The following FBXL18 variants were observed in gnomAD, a reference collection of about 807,000 sequenced individuals.
The protein encoded by FBXL18 is F-box and leucine rich repeat protein 18.
A neutral mutation model predicts 46.0 loss-of-function variants in FBXL18; 36 were observed. The observed-to-expected ratio is 0.78, with a 90% CI of 0.60 to 1.03. FBXL18 has a LOEUF of 1.03. Ranked by LOEUF, FBXL18 falls within the 50% of genes least tolerant of loss-of-function variation. The pLI is 0.00. For synonymous variants in FBXL18, 557 were observed against 465.3 expected (o/e 1.20, Z -2.54); for missense variants, 977 against 1,004.1 (o/e 0.97, Z 0.36).
intron 4 of FBXL18, chr7:5,489,209 C>T: frequency 1.9e-6 from 1 of 515,586 alleles, no homozygotes; most frequent in Non-Finnish European, 3.9e-6. Flanking sequence ...TATTTACTGA[C>T]ACAAGAGGAC....
At chr7:5,465,240 G>C (rs923284174) in intron 4 of FBXL18, among the ~76,000 whole-genome samples, 1 of 151,880 alleles carries the variant, frequency 6.6e-6, no homozygotes, top group Non-Finnish European at 1.5e-5. Flanking sequence ...GTGCTCTGTC[G>C]CCCAGGCTGC....
intron 4 of FBXL18, among the ~76,000 whole-genome samples, chr7:5,469,891 C>T (rs1472338889): frequency 3.3e-5 from 5 of 149,414 alleles, no homozygotes; most frequent in African/African-American, 9.9e-5. Flanking sequence ...GGTGTGTGTG[C>T]GAGGGCATGT....
chr7:5,481,492 C>T lies in FBXL18; in HGVS notation c.*283G>A, dbSNP rs1783643733. ...GATTGCGGCTCAGTATACAAACCCC[C>T]CAGCCAGGCCCCAAGGGTCAGCCTG... On this transcript the variant is annotated 3_prime_UTR_variant, in exon 5 of 5. Transcript: ENST00000382368. 1 of 371,874 alleles carries T rather than the reference C, an allele frequency of 2.7e-6. No individual in the cohort carries two copies. Among genetic ancestry groups the T allele is most frequent in the African/African-American group, 2.1e-5 (1 of 46,574 alleles). The allele number at this position is 371,874 out of a possible 1,614,324, so 23.0% of individuals were successfully genotyped here.
chr7:5,496,557 C>T lies in FBXL18; in HGVS notation c.1781+3931G>A, dbSNP rs554322463. ...ACCTCAGCCTGGACTCAGGGCTTGG[C>T]TTAGGCCCATCAACTAGGAGGCCAC... On this transcript the variant is annotated intron_variant, in intron 3 of 4. Transcript: ENST00000382368. The surrounding 1 kb of genome is among the most constrained non-coding windows in gnomAD (Gnocchi z 4.8). Among the ~76,000 whole-genome samples the T allele has an allele frequency of 3.9e-5, 6 of 152,206 alleles. No homozygotes were observed. Among genetic ancestry groups the T allele is most frequent in the Non-Finnish European group, 7.3e-5 (5 of 68,032 alleles).
intron 4 of FBXL18, among the ~76,000 whole-genome samples, chr7:5,461,633 A>G (rs1003355163): frequency 4.0e-5 from 6 of 151,060 alleles, no homozygotes; most frequent in African/African-American, 1.5e-4. Context: ...ACAGAGCAAA[A>G]CTCTGTCTCT....
At chr7:5,475,254 G>A (rs995009211), downstream of FBXL18, among the ~76,000 whole-genome samples, 78 of 151,920 alleles carry the variant, frequency 5.1e-4, no homozygotes, top group Non-Finnish European at 8.7e-4. This position sits in a 1 kb window ranked among gnomAD's most constrained non-coding sequence, Gnocchi z 4.2. Flanking sequence ...CCCAGGAGGC[G>A]GAGGTAGCAG....
intron 4 of FBXL18, among the ~76,000 whole-genome samples, chr7:5,467,377 TAATA>T (rs1157298666): frequency 6.7e-6 from 1 of 149,532 alleles, no homozygotes; most frequent in Non-Finnish European, 1.5e-5. Flanking sequence ...AAATAATAAA[TAATA>T]AATAAAAATA....
chr7:5,502,408 G>A lies in FBXL18; in HGVS notation c.238-377C>T, dbSNP rs141924959. On this transcript the variant is annotated intron_variant, in intron 2 of 4. Coordinates refer to ENST00000382368, the MANE Select transcript of FBXL18 (RefSeq NM_024963.6). ...AAACTAGTCAGGCATGGTGGTGTGC[G>A]CCTTTTATCCCAGCTACTCCAGAGG... Among the ~76,000 whole-genome samples the A allele has an allele frequency of 2.6e-3, 396 of 152,008 alleles. 6 individuals are homozygous for A. The highest frequency in any genetic ancestry group is 9.0e-3 in the African/African-American group (374 of 41,450).
chr7:5,481,008 A>G lies in FBXL18; in HGVS notation c.*767T>C, dbSNP rs1783630811. 1 of 117,972 alleles carries G rather than the reference A, an allele frequency of 8.5e-6. No homozygotes were observed. Among genetic ancestry groups the G allele is most frequent in the African/African-American group, 3.3e-5 (1 of 30,454 alleles). The allele number at this position is 117,972 out of a possible 1,614,324, so 7.3% of individuals were successfully genotyped here. On this transcript the variant is annotated 3_prime_UTR_variant, in exon 5 of 5. Transcript: ENST00000382368. ...TCGATTTCCCCAGGAACGCGCATGG[A>G]CCTTCCCAGGGAAGCTGAAGGCCGT...
chr7:5,456,202 C>T (rs572127132), intron 4 of FBXL18, among the ~76,000 whole-genome samples: 4 of 152,312 alleles, frequency 2.6e-5, no homozygotes, highest in Admixed American at 1.3e-4. Context: ...CCGCTGCCTG[C>T]TCCCATCCCT....
At position 5,513,150 on chromosome 7, in the gene FBXL18, G is replaced by T. The variant is rs144011921; in HGVS notation, c.18+507C>A. On this transcript the variant is annotated intron_variant, in intron 1 of 4. Coordinates refer to ENST00000382368, the MANE Select transcript of FBXL18 (RefSeq NM_024963.6). ...CCCAGATTTGGGGAGTGTTGGGAAA[G>T]AATTCCAGGGTACGTCGTAAGTCCC... Among the ~76,000 whole-genome samples the T allele has an allele frequency of 3.8e-4, 58 of 152,290 alleles. No homozygotes were observed. The East Asian group carries it at 9.6e-3, about 25-fold the overall frequency.
chr7:5,465,420 GGA>G (rs1186227952), intron 4 of FBXL18, among the ~76,000 whole-genome samples: 1 of 151,822 alleles, frequency 6.6e-6, no homozygotes, highest in East Asian at 2.0e-4. Flanking sequence ...AGGCTCTTCT[GGA>G]ACGCCTGACC....
Position 5,497,068 on chromosome 7 carries a change from G to A in FBXL18, c.1781+3420C>T, listed in dbSNP as rs185817345. Among the ~76,000 whole-genome samples, 7 of 149,628 alleles carry A rather than the reference G, an allele frequency of 4.7e-5. No individual in the cohort carries two copies. The East Asian group carries it at 1.2e-3, about 25-fold the overall frequency. The stretch of plus-strand genomic sequence containing the variant: ...AAAAAAAAACTAGCCGGGCATGGTC[G>A]CATGTGCCTATAGTCCCAGCTACTC... On this transcript the variant is annotated intron_variant, in intron 3 of 4. Transcript: ENST00000382368.
chr7:5,493,927 A>G (rs1435402381), intron 3 of FBXL18, among the ~76,000 whole-genome samples: 7 of 151,998 alleles, frequency 4.6e-5, no homozygotes, highest in African/African-American at 1.7e-4. Context: ...TGAGGTCAGG[A>G]GTTCGACACT....
chr7:5,507,271 G>A (rs1236582680), intron 1 of FBXL18, among the ~76,000 whole-genome samples: 1 of 152,116 alleles, frequency 6.6e-6, no homozygotes, highest in African/African-American at 2.4e-5. Flanking sequence ...CACCCCACAC[G>A]GGTATCGGAG....
At chr7:5,491,542 T>G in intron 3 of FBXL18, 93 bp from the exon 4 acceptor site, 2 of 1,098,048 alleles carry the variant, frequency 1.8e-6, no homozygotes, top group Admixed American at 2.5e-5. Context: ...GGAAGCTTCC[T>G]GGCCTGGGGC....
chr7:5,489,386 G>A (rs1783855746), intron 4 of FBXL18: 2 of 507,260 alleles, frequency 3.9e-6, no homozygotes, highest in Admixed American at 4.0e-5. Context: ...TGTAATCCCA[G>A]CACTTTGGGA....
rs1783569736 is a variant in FBXL18 at position 5,478,618 on chromosome 7, TACATA to T, written c.*3152_*3156del. The T allele has an allele frequency of 6.6e-6, 1 of 152,296 alleles. No individual in the cohort carries two copies. The highest frequency in any genetic ancestry group is 2.4e-5 in the African/African-American group (1 of 41,416). The allele number at this position is 152,296 out of a possible 1,614,324, so 9.4% of individuals were successfully genotyped here. On this transcript the variant is annotated 3_prime_UTR_variant, in exon 5 of 5. Coordinates refer to ENST00000382368, the MANE Select transcript of FBXL18 (RefSeq NM_024963.6). ...CTCTCCCTTTTAAAGAACAAAGGGATACATACCCTTTCCCCTCCTCCCTCCCTCCA... is the reference window on the plus strand; with the variant it reads ...CTCTCCCTTTTAAAGAACAAAGGGATCCCTTTCCCCTCCTCCCTCCCTCCA...
chr7:5,505,737 AG>A lies in FBXL18; in HGVS notation c.19-108del, dbSNP rs1784379545. On this transcript the variant is annotated intron_variant, in intron 1 of 4. Transcript: ENST00000382368. ...GAGAAGCCCTTATCCATGGGAAAGA[AG>A]GTGTTTTTACTAAAACTCTCAACTG... 17 of 881,532 alleles carry A rather than the reference AG, an allele frequency of 1.9e-5. No individual in the cohort carries two copies. The South Asian group carries it at 2.8e-4, about 15-fold the overall frequency. 54.6% of individuals were successfully genotyped at this position (881,532 alleles called of 1,614,324 possible).
Sources: gnomAD v4.1 joint callset for allele counts (sites outside exome capture counted in the v4.1 genomes callset) on GRCh38, gnomAD v4.1.1 for gene constraint, Gnocchi (gnomAD v3.1) non-coding constraint, MANE v1.5 for transcripts, NCBI Gene and HGNC (gene_info 2026-07-23, HGNC 2026-07-21) for gene names.